Variants in LSP1 observed in about 807,000 individuals in gnomAD.
LSP1 encodes the protein lymphocyte-specific protein 1.
Under a neutral mutation model 49.3 loss-of-function variants are expected in LSP1, and 32 were observed. That is an observed-to-expected ratio of 0.65 (90% CI 0.49 to 0.87). The LOEUF is 0.87. Among genes scored for constraint, LSP1 ranks in the 40% least tolerant of loss-of-function variants. LSP1 has a pLI of 0.00. For synonymous variants in LSP1, 179 were observed against 178.8 expected, an observed-to-expected ratio of 1.00 and a Z score of -0.01; for missense variants, 428 against 442.6, an observed-to-expected ratio of 0.97 and a Z score of 0.30.
At chr11:1,888,318 C>T (rs1465967282) in intron 10 of LSP1, among the ~76,000 whole-genome samples, 22 of 152,226 alleles carry the variant, frequency 1.4e-4, no homozygotes, top group Admixed American at 1.4e-3. Flanking sequence ...ACCAGGGCCA[C>T]AGCCCCTTCT....
chr11:1,878,239 C>T (rs572673421), intron 1 of LSP1, among the ~76,000 whole-genome samples: 4 of 152,274 alleles, frequency 2.6e-5, no homozygotes, highest in African/African-American at 9.6e-5. Flanking sequence ...CAGCCTGCGC[C>T]GCCCTCTGTG....
intron 1 of LSP1, among the ~76,000 whole-genome samples, chr11:1,877,203 C>A (rs1271140276): frequency 6.6e-6 from 1 of 152,152 alleles, no homozygotes; most frequent in Non-Finnish European, 1.5e-5. Flanking sequence ...AGAGCTGCCC[C>A]CCTTTCAGTT....
chr11:1,872,874 C>A (rs1168388619), intron 1 of LSP1, among the ~76,000 whole-genome samples: 1 of 152,074 alleles, frequency 6.6e-6, no homozygotes, highest in Non-Finnish European at 1.5e-5. Context: ...GAGCTCAGGG[C>A]CCTCATGCAG....
intron 1 of LSP1, chr11:1,869,721 T>A (rs1394980665): frequency 4.3e-6 from 2 of 469,610 alleles, no homozygotes; most frequent in East Asian, 1.4e-4. Context: ...AGGAACGCAG[T>A]GAGGCCAGGC....
intron 1 of LSP1, among the ~76,000 whole-genome samples, chr11:1,871,822 T>C (rs12788376): frequency 1.5e-3 from 147 of 96,846 alleles, no homozygotes; most frequent in South Asian, 2.6e-3. Context: ...GCGTGGGCAC[T>C]TTTGGGACGG....
At position 1,866,538 on chromosome 11, in the gene LSP1, C is replaced by T. The variant is rs563563171; in HGVS notation, c.53+13341C>T. 2.7e-4 allele frequency: 410 copies of T among 1,539,026 alleles called. 2 individuals are homozygous for T. The African/African-American group carries it at 5.1e-3, about 19-fold the overall frequency. ...CTGTCACCTGAGTTCAGGACCAGCA[C>T]CAGGATCTGCAGTGGGCCCCTGGCT... On this transcript the variant is annotated intron_variant, in intron 1 of 10. Coordinates refer to ENST00000311604, the MANE Select transcript of LSP1 (RefSeq NM_002339.3).
rs770656884 is a variant in LSP1, at chr11:1,884,459, T to C, written c.636-41T>C. 1.9e-6 allele frequency: 3 copies of C among 1,605,998 alleles called. No individual in the cohort carries two copies. Among genetic ancestry groups the C allele is most frequent in the Admixed American group, 3.3e-5 (2 of 59,988 alleles). On this transcript the variant is annotated intron_variant, in intron 6 of 10. Coordinates refer to ENST00000311604, the MANE Select transcript of LSP1 (RefSeq NM_002339.3). The surrounding 1 kb of genome is among the most constrained non-coding windows in gnomAD (Gnocchi z 4.1). ...AGGCTTGGGCAGGTTGGGAGAAGCC[T>C]TGTGGGAGACATGGGGCCTGACACA...
At chr11:1,878,021 G>A (rs1848383257) in intron 1 of LSP1, among the ~76,000 whole-genome samples, 1 of 152,064 alleles carries the variant, frequency 6.6e-6, no homozygotes, top group Admixed American at 6.6e-5. Flanking sequence ...TGGTGGAGGG[G>A]GTCTGTGGAG....
At chr11:1,869,261 G>C (rs539611391) in intron 1 of LSP1, 1 of 238,332 alleles carries the variant, frequency 4.2e-6, no homozygotes, top group Non-Finnish European at 8.5e-6. Context: ...GCCTGGCCAG[G>C]GATGCTGGGA....
intron 1 of LSP1, chr11:1,870,550 G>A: frequency 1.7e-6 from 2 of 1,166,348 alleles, no homozygotes; most frequent in Non-Finnish European, 2.2e-6. Context: ...AGAGGGCCTG[G>A]CTGCTGGGTG....
intron 1 of LSP1, among the ~76,000 whole-genome samples, chr11:1,853,442 G>A (rs887885468): frequency 6.6e-6 from 1 of 152,208 alleles, no homozygotes; most frequent in Admixed American, 6.5e-5. Flanking sequence ...GGACTCACTG[G>A]GGGAGGCGCG....
At chr11:1,859,844 G>T (rs117922301) in intron 1 of LSP1, among the ~76,000 whole-genome samples, 2,977 of 152,218 alleles carry the variant, frequency 0.02, 37 homozygotes, top group Non-Finnish European at 0.031. Context: ...TTTGGAGGCT[G>T]CCTCCTCTTT....
chr11:1,859,148 T>C (rs1847559592), intron 1 of LSP1, among the ~76,000 whole-genome samples: 1 of 152,180 alleles, frequency 6.6e-6, no homozygotes, highest in Admixed American at 6.5e-5. Flanking sequence ...TCCAGCATAC[T>C]TCCTGGGTTC....
intron 1 of LSP1, among the ~76,000 whole-genome samples, chr11:1,869,437 AAGG>A (rs961151234): frequency 6.6e-6 from 1 of 151,986 alleles, no homozygotes; most frequent in Non-Finnish European, 1.5e-5. Flanking sequence ...GGCTGCCTTG[AAGG>A]AGGAGGGAGG....
At chr11:1,870,912 C>A in intron 1 of LSP1, 1 of 985,818 alleles carries the variant, frequency 1.0e-6, no homozygotes, top group Non-Finnish European at 1.2e-6. Context: ...GCCCAGGCGC[C>A]GCAGCGCTCC....
intron 1 of LSP1, chr11:1,870,987 C>G: frequency 1.0e-6 from 1 of 985,680 alleles, no homozygotes; most frequent in Non-Finnish European, 1.2e-6. Flanking sequence ...GGTATCAGGG[C>G]TCCTTGGTCC....
intron 1 of LSP1, chr11:1,868,802 G>A (rs975282862): frequency 3.0e-6 from 3 of 985,630 alleles, no homozygotes; most frequent in South Asian, 4.7e-5. Flanking sequence ...AGAGGACGGC[G>A]GTTCAGGCTT....
Position 1,858,109 on chromosome 11 carries a change from C to G in LSP1, c.53+4912C>G, listed in dbSNP as rs542468258. 2.0e-5 allele frequency among the ~76,000 whole-genome samples: 3 copies of G among 152,324 alleles called. No homozygotes were observed. The East Asian group carries it at 5.8e-4, about 29-fold the overall frequency. The stretch of plus-strand genomic sequence containing the variant: ...TGTTTCATCCCCCGGAGCTGTGAGG[C>G]AGGTCCCTGGAGCCTCCCATTTCAC... On this transcript the variant is annotated intron_variant, in intron 1 of 10. Transcript: ENST00000311604.
chr11:1,861,758 A>G (rs1324060701), intron 1 of LSP1, among the ~76,000 whole-genome samples: 915 of 73,780 alleles, frequency 0.012, no homozygotes, highest in Middle Eastern at 0.024. Flanking sequence ...TGAGTGGATG[A>G]GTGGATGGGT....
Sources: gnomAD v4.1 joint callset for allele counts (sites outside exome capture counted in the v4.1 genomes callset) on GRCh38, gnomAD v4.1.1 for gene constraint, Gnocchi (gnomAD v3.1) non-coding constraint, MANE v1.5 for transcripts, NCBI Gene and HGNC (gene_info 2026-07-23, HGNC 2026-07-21) for gene names.